The following DISP3 variants were observed in gnomAD, a reference collection of about 807,000 sequenced individuals.
DISP3 encodes the protein protein dispatched homolog 3.
A neutral mutation model predicts 135.3 loss-of-function variants in DISP3; 101 were observed. That is an observed-to-expected ratio of 0.75 (90% CI 0.64 to 0.88). The LOEUF (loss-of-function observed/expected upper bound fraction) is 0.88. Among genes scored for constraint, DISP3 ranks in the 40% least tolerant of loss-of-function variants. DISP3 has a pLI of 0.00. For synonymous variants in DISP3, 856 were observed against 817.0 expected (o/e 1.05, Z -0.81); for missense variants, 1,713 against 1,878.6 (o/e 0.91, Z 1.63).
intron 17 of DISP3, among the ~76,000 whole-genome samples, chr1:11,532,699 TTTTG>T (rs893212934): frequency 6.6e-5 from 10 of 152,054 alleles, no homozygotes; most frequent in South Asian, 4.2e-4. Flanking sequence ...TAACCGGTTT[TTTTG>T]TTTGTTTGTT....
rs1439334272 is a variant in DISP3, at chr1:11,516,053, G to A, written c.1641G>A (p.Leu547=). The A allele has an allele frequency of 6.2e-7, 1 of 1,613,928 alleles. No homozygotes were observed. Among genetic ancestry groups the A allele is most frequent in the Admixed American group, 1.7e-5 (1 of 59,994 alleles). The change falls in exon 6 of 21, where the codon CTG becomes CTA. Residue 547 remains leucine, a synonymous_variant. Transcript: ENST00000294484. The surrounding 1 kb of genome is among the most constrained non-coding windows in gnomAD (Gnocchi z 5.1). ...FINTYRQATH[L]EDPQLRMIHT... ...ACACCTACCGCCAGGCCACCCACCT[G>A]GAAGACCCACAGCTGCGCATGATCC...
intron 7 of DISP3, among the ~76,000 whole-genome samples, chr1:11,518,035 T>C (rs943339054): frequency 2.6e-5 from 4 of 152,214 alleles, no homozygotes; most frequent in Non-Finnish European, 4.4e-5. Flanking sequence ...CATCTTTAGA[T>C]GTAGTGAGAC....
chr1:11,509,976 G>A (rs1475325088), intron 3 of DISP3, among the ~76,000 whole-genome samples: 1 of 152,148 alleles, frequency 6.6e-6, no homozygotes, highest in Non-Finnish European at 1.5e-5. Context: ...GTGGGTGCCT[G>A]TAGTCCAAGC....
Position 11,514,644 on chromosome 1 carries a change from C to A in DISP3, c.1453+118C>A, listed in dbSNP as rs1006759196. On this transcript the variant is annotated intron_variant, in intron 4 of 20. Transcript: ENST00000294484. ...GAGCCCAGCATGTCAGAGCTGGGGA[C>A]ACAGGGATATGCACACAAATCATCT... The A allele has an allele frequency of 9.0e-6, 12 of 1,337,116 alleles. No homozygotes were observed. In the Admixed American group the frequency reaches 1.7e-4, roughly 19 times the overall value. 82.8% of individuals were successfully genotyped at this position (1,337,116 alleles called of 1,614,324 possible). A position where few individuals can be genotyped will look rare whatever the true frequency, so the allele number is the denominator to read the frequency against.
At chr1:11,488,209 A>T (rs1023900560) in intron 1 of DISP3, among the ~76,000 whole-genome samples, 3 of 152,054 alleles carry the variant, frequency 2.0e-5, no homozygotes, top group African/African-American at 7.2e-5. Context: ...GGAGGGGGTC[A>T]GTACTTGAGG....
chr1:11,508,521 CGT>C (rs1340796243), intron 3 of DISP3, among the ~76,000 whole-genome samples: 1 of 151,738 alleles, frequency 6.6e-6, no homozygotes, highest in African/African-American at 2.4e-5. Context: ...TGTCACCTTC[CGT>C]GTGTCTTCTT....
chr1:11,507,605 A>G (rs891046283), intron 3 of DISP3, among the ~76,000 whole-genome samples: 5 of 152,202 alleles, frequency 3.3e-5, no homozygotes, highest in Non-Finnish European at 7.3e-5. Flanking sequence ...AGAATCAGCA[A>G]ATGCCTCCAG....
At position 11,502,091 on chromosome 1, in the gene DISP3, G is replaced by C; in HGVS notation, c.1096+3G>C. 6.5e-7 allele frequency: 1 copy of C among 1,542,134 alleles called. No homozygotes were observed. The highest frequency in any genetic ancestry group is 8.7e-7 in the Non-Finnish European group (1 of 1,145,402). On this transcript the variant is annotated splice_donor_region_variant and intron_variant, in intron 2 of 20. Coordinates refer to ENST00000294484, the MANE Select transcript of DISP3 (RefSeq NM_020780.2). Reference sequence around the variant, plus strand: ...CCAGGACCTGGCGGACATCCGGGGTGAGCCGCCGGGATGCTGGGAGGGGGC... The same window carrying C: ...CCAGGACCTGGCGGACATCCGGGGTCAGCCGCCGGGATGCTGGGAGGGGGC...
chr1:11,505,528 G>A (rs188772687), intron 3 of DISP3, among the ~76,000 whole-genome samples: 22 of 152,330 alleles, frequency 1.4e-4, no homozygotes, highest in South Asian at 1.0e-3. Flanking sequence ...CCATTAGAGC[G>A]TCACAGCAGT....
Position 11,529,769 on chromosome 1 carries a change from G to C in DISP3, c.2930-18G>C. ...CTGGACCCTGCCTTCCCTTACAGCTGTGACTCCCTGTTCGCAGTGCCCAAG... is the reference window on the plus strand; with the variant it reads ...CTGGACCCTGCCTTCCCTTACAGCTCTGACTCCCTGTTCGCAGTGCCCAAG... On this transcript the variant is annotated intron_variant, in intron 14 of 20. Coordinates refer to ENST00000294484, the MANE Select transcript of DISP3 (RefSeq NM_020780.2). The surrounding 1 kb of genome is among the most constrained non-coding windows in gnomAD (Gnocchi z 4.7). 2 of 1,608,544 alleles carry C rather than the reference G, an allele frequency of 1.2e-6. No homozygotes were observed. The highest frequency in any genetic ancestry group is 1.7e-6 in the Non-Finnish European group (2 of 1,176,096).
chr1:11,484,015 C>G (rs1024663267), intron 1 of DISP3, among the ~76,000 whole-genome samples: 2 of 152,168 alleles, frequency 1.3e-5, no homozygotes, highest in African/African-American at 4.8e-5. Flanking sequence ...CAAACCACAC[C>G]AGGGAAGGGG....
Position 11,517,605 on chromosome 1 carries a change from A to G in DISP3, c.1889+3A>G, listed in dbSNP as rs1642050690. ...CTGGAGAGCTCCTGCCAGACCAGGT[A>G]AGTCGGGCAGGGCCTCCACCCACAG... On this transcript the variant is annotated splice_donor_region_variant and intron_variant, in intron 7 of 20. Coordinates refer to ENST00000294484, the MANE Select transcript of DISP3 (RefSeq NM_020780.2). 5 of 1,613,070 alleles carry G rather than the reference A, an allele frequency of 3.1e-6. No individual in the cohort carries two copies. The highest frequency in any genetic ancestry group is 4.2e-6 in the Non-Finnish European group (5 of 1,179,966).
intron 1 of DISP3, among the ~76,000 whole-genome samples, chr1:11,482,601 A>C (rs547322660): frequency 3.3e-5 from 5 of 152,296 alleles, no homozygotes. Flanking sequence ...ACAATACTAT[A>C]GGTGTTGATA....
chr1:11,537,512 T>C lies in DISP3; in HGVS notation c.*826T>C, dbSNP rs1257631699. ...AGGAGCTGCCATGCCGGCCGCCTGC[T>C]CACGGCAGAAGGTTGCTATTAAAAT... On this transcript the variant is annotated 3_prime_UTR_variant, in exon 21 of 21. Transcript: ENST00000294484. The C allele has an allele frequency of 6.6e-6, 1 of 152,448 alleles. No homozygotes were observed. Among genetic ancestry groups the C allele is most frequent in the African/African-American group, 2.4e-5 (1 of 41,476 alleles). 9.4% of individuals were successfully genotyped at this position (152,448 alleles called of 1,614,324 possible).
chr1:11,517,613 C>T lies in DISP3; in HGVS notation c.1889+11C>T, dbSNP rs1368153633. ...CTCCTGCCAGACCAGGTAAGTCGGG[C>T]AGGGCCTCCACCCACAGCAGGGTAT... On this transcript the variant is annotated intron_variant, in intron 7 of 20. Coordinates refer to ENST00000294484, the MANE Select transcript of DISP3 (RefSeq NM_020780.2). The T allele has an allele frequency of 6.2e-7, 1 of 1,612,066 alleles. No individual in the cohort carries two copies. The highest frequency in any genetic ancestry group is 1.3e-5 in the African/African-American group (1 of 75,052).
intron 2 of DISP3, 144 bp from the exon 3 acceptor site, chr1:11,502,534 T>G (rs765443336): frequency 2.5e-5 from 17 of 669,010 alleles, no homozygotes; most frequent in Non-Finnish European, 4.0e-5. Context: ...AGAGAGAGGT[T>G]GTGGGGCCTG....
intron 1 of DISP3, among the ~76,000 whole-genome samples, chr1:11,486,557 T>C (rs995392446): frequency 1.3e-5 from 2 of 152,308 alleles, no homozygotes; most frequent in Non-Finnish European, 2.9e-5. Context: ...GAATCTGCAA[T>C]GAACAGGGAC....
chr1:11,515,587 G>A, intron 5 of DISP3, 84 bp downstream of exon 5: 2 of 1,517,582 alleles, frequency 1.3e-6, no homozygotes, highest in South Asian at 2.6e-5. Context: ...ACAAAGCCTG[G>A]CTTCCCTGGG....
chr1:11,481,063 T>TCACACA (rs56171241), intron 1 of DISP3, among the ~76,000 whole-genome samples: 60 of 144,942 alleles, frequency 4.1e-4, no homozygotes, highest in South Asian at 1.1e-3. Context: ...TCTCTCTCTC[T>TCACACA]CACACACATA....
Sources: allele counts gnomAD v4.1 joint callset (sites outside exome capture counted in the v4.1 genomes callset), GRCh38; gene constraint gnomAD v4.1.1; non-coding constraint Gnocchi (gnomAD v3.1); transcripts MANE v1.5; gene names NCBI Gene and HGNC (gene_info 2026-07-23, HGNC 2026-07-21).